WWC1: variants seen among roughly 807,000 people sequenced by gnomAD.
WWC1 encodes WW and C2 domain containing 1, also known as protein KIBRA.
Under a neutral mutation model 138.4 loss-of-function variants are expected in WWC1, and 55 were observed. The observed-to-expected ratio is 0.40, with a 90% CI of 0.32 to 0.50. The LOEUF (loss-of-function observed/expected upper bound fraction) is 0.50. WWC1 is among the 20% of genes least tolerant of loss of function. WWC1 has a pLI of 0.72. For missense variants in WWC1, 1,226 were observed against 1,420.4 expected (o/e 0.86, Z 2.20); for synonymous variants, 524 against 564.9 (o/e 0.93, Z 1.03).
At chr5:168,298,223 G>GATTTT (rs1769737894) in intron 1 of WWC1, among the ~76,000 whole-genome samples, 1 of 152,024 alleles carries the variant, frequency 6.6e-6, no homozygotes, top group Non-Finnish European at 1.5e-5. Flanking sequence ...ATTTTTAGTA[G>GATTTT]AGACAGGGAT....
chr5:168,450,803 T>C (rs1755727956), intron 17 of WWC1, among the ~76,000 whole-genome samples: 1 of 152,028 alleles, frequency 6.6e-6, no homozygotes. Flanking sequence ...ACATAAAAAG[T>C]ACAAACTATA....
chr5:168,438,365 T>C (rs1355502512), intron 15 of WWC1, among the ~76,000 whole-genome samples: 1 of 152,098 alleles, frequency 6.6e-6, no homozygotes, highest in African/African-American at 2.4e-5. Flanking sequence ...TGAGATCTGA[T>C]GGTTATATAA....
chr5:168,380,099 A>G (rs1266951018), intron 2 of WWC1, among the ~76,000 whole-genome samples: 1 of 152,222 alleles, frequency 6.6e-6, no homozygotes, highest in Non-Finnish European at 1.5e-5. Context: ...ATTGCAATAC[A>G]TATCTCTAAC....
intron 1 of WWC1, among the ~76,000 whole-genome samples, chr5:168,339,861 C>CTTTCTTCTTTTCTT (rs1773849046): frequency 7.7e-6 from 1 of 129,910 alleles, no homozygotes; most frequent in African/African-American, 3.6e-5. Context: ...TTCTCTCTTT[C>CTTTCTTCTTTTCTT]TCTCTCTCTC....
Position 168,369,885 on chromosome 5 carries a change from T to C in WWC1, c.120-1539T>C, listed in dbSNP as rs146615898. ...CCTATGTATTCATTACATTATTCACTCATTGTGCAATTTTTTTTTTTTTTT... is the reference window on the plus strand; with the variant it reads ...CCTATGTATTCATTACATTATTCACCCATTGTGCAATTTTTTTTTTTTTTT... On this transcript the variant is annotated intron_variant, in intron 1 of 22. Coordinates refer to ENST00000265293, the MANE Select transcript of WWC1 (RefSeq NM_015238.3). Among the ~76,000 whole-genome samples, 38 of 147,616 alleles carry C rather than the reference T, an allele frequency of 2.6e-4. No individual in the cohort carries two copies. In the East Asian group the frequency reaches 6.9e-3, roughly 27 times the overall value.
Position 168,423,923 on chromosome 5 carries a change from C to T in WWC1, c.1665C>T (p.Leu555=), listed in dbSNP as rs1781318393. The T allele has an allele frequency of 3.7e-6, 6 of 1,614,202 alleles. 1 individual carries two copies. The East Asian group carries it at 1.3e-4, about 36-fold the overall frequency. The change falls in exon 11 of 23, where the codon CTC becomes CTT. Residue 555 remains leucine (L), a synonymous_variant. Transcript: ENST00000265293. ...GTTCCCCTCTCATGGCTGACCCCCT[C>T]CTGGCTGGTGATGCCTTCCTCAACT... ...PPCSPLMADP[L]LAGDAFLNSL...
chr5:168,369,519 C>T (rs1776574511), intron 1 of WWC1, among the ~76,000 whole-genome samples: 1 of 152,172 alleles, frequency 6.6e-6, no homozygotes, highest in African/African-American at 2.4e-5. Flanking sequence ...TCTTCCACCT[C>T]AGCCTCCCAA....
chr5:168,336,263 C>T (rs982155881), intron 1 of WWC1, among the ~76,000 whole-genome samples: 13 of 152,064 alleles, frequency 8.5e-5, no homozygotes, highest in South Asian at 6.2e-4. Context: ...AGCCAAGGCA[C>T]GTTCTCCTTT....
intron 1 of WWC1, among the ~76,000 whole-genome samples, chr5:168,299,190 G>A (rs1344785877): frequency 6.6e-6 from 1 of 152,226 alleles, no homozygotes; most frequent in African/African-American, 2.4e-5. Context: ...ACTAGCTGTA[G>A]CCTGGTCTGG....
chr5:168,306,058 A>G (rs1014109121), intron 1 of WWC1, among the ~76,000 whole-genome samples: 1 of 152,190 alleles, frequency 6.6e-6, no homozygotes, highest in African/African-American at 2.4e-5. Context: ...AATTGAGATG[A>G]TTCAGGAAGT....
intron 1 of WWC1, among the ~76,000 whole-genome samples, chr5:168,321,302 G>A (rs1772058179): frequency 6.6e-6 from 1 of 152,126 alleles, no homozygotes; most frequent in African/African-American, 2.4e-5. Flanking sequence ...GAGATGCCAT[G>A]GGAGAAAGTA....
chr5:168,463,934 C>A (rs970224353), intron 20 of WWC1, among the ~76,000 whole-genome samples: 2 of 152,130 alleles, frequency 1.3e-5, no homozygotes, highest in Non-Finnish European at 2.9e-5. Context: ...GGCTTAGCAA[C>A]CTCTGTGTAA....
At chr5:168,410,694 A>G (rs1197531979) in intron 8 of WWC1, among the ~76,000 whole-genome samples, 2 of 151,824 alleles carry the variant, frequency 1.3e-5, no homozygotes, top group African/African-American at 4.8e-5. Flanking sequence ...ACGCACCACT[A>G]CCCTTGGCTG....
At chr5:168,404,308 G>A (rs2152835667) in intron 5 of WWC1, among the ~76,000 whole-genome samples, 1 of 152,366 alleles carries the variant, frequency 6.6e-6, no homozygotes, top group Non-Finnish European at 1.5e-5. Context: ...GAGCCTCCTT[G>A]CCACGGAGCA....
At chr5:168,326,378 C>T (rs533791778) in intron 1 of WWC1, among the ~76,000 whole-genome samples, 1 of 151,760 alleles carries the variant, frequency 6.6e-6, no homozygotes, top group East Asian at 1.9e-4. Flanking sequence ...CCACCACGCC[C>T]AGCTAATTTT....
chr5:168,410,109 G>A, intron 8 of WWC1, 114 bp downstream of exon 8: 1 of 1,012,540 alleles, frequency 9.9e-7, no homozygotes. Flanking sequence ...TCCTCACAAA[G>A]ATTATGAAGA....
intron 5 of WWC1, among the ~76,000 whole-genome samples, chr5:168,399,799 C>T (rs1414573700): frequency 6.6e-6 from 1 of 152,118 alleles, no homozygotes; most frequent in African/African-American, 2.4e-5. Context: ...ACTCATTGTC[C>T]CGTGGACTCC....
intron 1 of WWC1, among the ~76,000 whole-genome samples, chr5:168,329,141 G>A (rs1177967380): frequency 6.6e-6 from 1 of 152,218 alleles, no homozygotes; most frequent in African/African-American, 2.4e-5. Context: ...CAGTCAGGAA[G>A]AAAGTCCTAT....
At chr5:168,344,396 T>G (rs1485024159) in intron 1 of WWC1, among the ~76,000 whole-genome samples, 3 of 152,220 alleles carry the variant, frequency 2.0e-5, no homozygotes, top group Non-Finnish European at 2.9e-5. Context: ...TATGGGGTCT[T>G]GGGCACATTC....
Sources: gnomAD v4.1 joint callset for allele counts (sites outside exome capture counted in the v4.1 genomes callset) on GRCh38, gnomAD v4.1.1 for gene constraint, MANE v1.5 for transcripts, NCBI Gene and HGNC (gene_info 2026-07-23, HGNC 2026-07-21) for gene names.